The following FZD3 variants were observed in gnomAD, a reference collection of about 807,000 sequenced individuals.
The protein encoded by FZD3 is frizzled-3.
Under a neutral mutation model 60.7 loss-of-function variants are expected in FZD3, and 30 were observed. That is an observed-to-expected ratio of 0.49 (90% CI 0.37 to 0.67). FZD3 has a LOEUF of 0.67. Ranked by LOEUF, FZD3 falls within the 30% of genes least tolerant of loss-of-function variation. The pLI, the probability that FZD3 is intolerant of heterozygous loss-of-function variation, is 0.00. For missense variants in FZD3, 605 were observed against 838.7 expected (o/e 0.72, Z 3.44); for synonymous variants, 246 against 275.2 (o/e 0.89, Z 1.05).
chr8:28,513,148 G>A (rs749199469), intron 3 of FZD3, among the ~76,000 whole-genome samples: 21 of 151,858 alleles, frequency 1.4e-4, no homozygotes, highest in Non-Finnish European at 2.9e-4. Context: ...TCAGACTTTA[G>A]GACAAAAAAA....
chr8:28,514,344 A>G (rs748861235), intron 3 of FZD3, among the ~76,000 whole-genome samples: 3 of 152,050 alleles, frequency 2.0e-5, no homozygotes, highest in Non-Finnish European at 4.4e-5. Flanking sequence ...CAATTTGCTT[A>G]TTTGAAAAAT....
Position 28,555,985 on chromosome 8 carries a change from GT to G in FZD3, c.1787+15del, listed in dbSNP as rs2130465478. The stretch of plus-strand genomic sequence containing the variant: ...ACGTGATGGCAGGTGAGTTTTGTTA[GT>G]AGTGTAGTTTATTTCATAAGCTGAA... On this transcript the variant is annotated intron_variant, in intron 7 of 7. Coordinates refer to ENST00000240093, the MANE Select transcript of FZD3 (RefSeq NM_017412.4). The G allele has an allele frequency of 6.6e-7, 1 of 1,508,802 alleles. No homozygotes were observed. The highest frequency in any genetic ancestry group is 9.2e-7 in the Non-Finnish European group (1 of 1,086,368). 93.5% of individuals were successfully genotyped at this position (1,508,802 alleles called of 1,614,324 possible).
rs1041477666 is a variant in FZD3, at chr8:28,569,255, A to G, written c.*6244A>G. The G allele has an allele frequency of 6.7e-6, 1 of 150,320 alleles. No individual in the cohort carries two copies. The highest frequency in any genetic ancestry group is 2.4e-5 in the African/African-American group (1 of 40,938). The allele number at this position is 150,320 out of a possible 1,614,324, so 9.3% of individuals were successfully genotyped here. A position where few individuals can be genotyped will look rare whatever the true frequency, so the allele number is the denominator to read the frequency against. Reference sequence around the variant, plus strand: ...AGTCTAAAATTAAACAAAAAAATCTATTTTCTAAATTGGCAGGATTTTTTT... The same window carrying G: ...AGTCTAAAATTAAACAAAAAAATCTGTTTTCTAAATTGGCAGGATTTTTTT... On this transcript the variant is annotated 3_prime_UTR_variant, in exon 8 of 8. Coordinates refer to ENST00000240093, the MANE Select transcript of FZD3 (RefSeq NM_017412.4).
chr8:28,511,433 C>G (rs528598272), intron 3 of FZD3, among the ~76,000 whole-genome samples: 1 of 152,100 alleles, frequency 6.6e-6, no homozygotes, highest in African/African-American at 2.4e-5. Flanking sequence ...TGCAGTGAGC[C>G]GTGATTGCGC....
At chr8:28,515,507 C>T (rs755756650) in intron 3 of FZD3, among the ~76,000 whole-genome samples, 33 of 152,218 alleles carry the variant, frequency 2.2e-4, no homozygotes, top group Non-Finnish European at 3.7e-4. Flanking sequence ...CCTGAGTCTT[C>T]CCCTGGGGTG....
chr8:28,556,871 G>C (rs1220900697), intron 7 of FZD3, among the ~76,000 whole-genome samples: 1 of 152,190 alleles, frequency 6.6e-6, no homozygotes, highest in East Asian at 1.9e-4. Context: ...TGGTTTCACA[G>C]AGAAAATGTT....
intron 5 of FZD3, among the ~76,000 whole-genome samples, chr8:28,529,008 A>G (rs1316750138): frequency 6.6e-6 from 1 of 152,102 alleles, no homozygotes; most frequent in Non-Finnish European, 1.5e-5. Flanking sequence ...TCAAACTCCA[A>G]GAGCTCAAGC....
At chr8:28,507,022 A>C (rs947411880) in intron 3 of FZD3, among the ~76,000 whole-genome samples, 24 of 152,216 alleles carry the variant, frequency 1.6e-4, no homozygotes, top group African/African-American at 5.1e-4. Flanking sequence ...TCAAAATTTC[A>C]TCCATAAATA....
At chr8:28,517,370 T>C (rs554000587) in intron 3 of FZD3, among the ~76,000 whole-genome samples, 2 of 152,328 alleles carry the variant, frequency 1.3e-5, no homozygotes, top group East Asian at 3.9e-4. Context: ...TATTTTTCTT[T>C]GGTTTTCAAC....
In FZD3 at chr8:28,527,182, T is replaced by C; in HGVS notation, c.422T>C (p.Val141Ala). 1 of 1,613,256 alleles carries C rather than the reference T, an allele frequency of 6.2e-7. No homozygotes were observed. Among genetic ancestry groups the C allele is most frequent in the Non-Finnish European group, 8.5e-7 (1 of 1,179,686 alleles). Reference sequence around the variant, plus strand: ...TGTGATGAGCCATATCCTCGACTTGTGGATCTGAATTTAGCTGGAGAACCA... The same window carrying C: ...TGTGATGAGCCATATCCTCGACTTGCGGATCTGAATTTAGCTGGAGAACCA... ...PDCDEPYPRLVDLNLAGEPTE... is the reference protein window; with the variant it reads ...PDCDEPYPRLADLNLAGEPTE... Residue 141 changes from valine (V) to alanine (A), a missense_variant, in exon 5 of 8, where the codon GTG becomes GCG. Physicochemically the swap from Val to Ala is moderately conservative, Grantham distance 64 (BLOSUM62 0). Transcript: ENST00000240093. The surrounding 1 kb of genome is among the most constrained non-coding windows in gnomAD (Gnocchi z 5.0).
chr8:28,563,251 G>T lies in FZD3; in HGVS notation c.*240G>T, dbSNP rs966761014. The T allele has an allele frequency of 1.8e-5, 8 of 452,902 alleles. No homozygotes were observed. The Admixed American group carries it at 2.8e-4, about 16-fold the overall frequency. The allele number at this position is 452,902 out of a possible 1,614,324, so 28.1% of individuals were successfully genotyped here. ...AATTCGTCTTTCTAGGTTATGAAGA[G>T]ATAATTATTTGTCTGGTAAGCATTT... On this transcript the variant is annotated 3_prime_UTR_variant, in exon 8 of 8. Coordinates refer to ENST00000240093, the MANE Select transcript of FZD3 (RefSeq NM_017412.4).
At chr8:28,548,205 C>T (rs542640086) in intron 5 of FZD3, among the ~76,000 whole-genome samples, 1 of 130,976 alleles carries the variant, frequency 7.6e-6, no homozygotes, top group Non-Finnish European at 1.6e-5. Context: ...TAGAAAGTCA[C>T]TCTCCATCTC....
intron 3 of FZD3, among the ~76,000 whole-genome samples, chr8:28,516,279 C>A (rs1011997115): frequency 6.6e-6 from 1 of 152,148 alleles, no homozygotes; most frequent in Non-Finnish European, 1.5e-5. Context: ...TTATCTAGTA[C>A]ACACTTTTGA....
intron 5 of FZD3, among the ~76,000 whole-genome samples, chr8:28,529,285 T>C (rs1379283339): frequency 6.6e-6 from 1 of 152,156 alleles, no homozygotes; most frequent in African/African-American, 2.4e-5. Context: ...CTGTTCATCA[T>C]TTTCCAGATT....
At chr8:28,537,739 G>A (rs1006409593) in intron 5 of FZD3, among the ~76,000 whole-genome samples, 20 of 152,142 alleles carry the variant, frequency 1.3e-4, no homozygotes, top group African/African-American at 4.8e-4. Context: ...ACATTTTTCT[G>A]TCCCATATAA....
At chr8:28,557,155 G>A (rs1279611804) in intron 7 of FZD3, among the ~76,000 whole-genome samples, 1 of 149,634 alleles carries the variant, frequency 6.7e-6, no homozygotes, top group African/African-American at 2.5e-5. Flanking sequence ...GTTGGAGTGA[G>A]CTGACATCGT....
chr8:28,507,426 A>G (rs1057339868), intron 3 of FZD3, among the ~76,000 whole-genome samples: 2 of 152,216 alleles, frequency 1.3e-5, no homozygotes, highest in Non-Finnish European at 2.9e-5. Flanking sequence ...TTTGGAAGGA[A>G]TACTTCATAG....
intron 5 of FZD3, among the ~76,000 whole-genome samples, chr8:28,550,419 T>C (rs1293190725): frequency 7.0e-6 from 1 of 143,530 alleles, no homozygotes; most frequent in Non-Finnish European, 1.5e-5. Context: ...TAACCAACTT[T>C]GGGTTATTAG....
intron 3 of FZD3, among the ~76,000 whole-genome samples, chr8:28,511,008 G>C (rs909826806): frequency 6.6e-6 from 1 of 151,876 alleles, no homozygotes; most frequent in African/African-American, 2.4e-5. Flanking sequence ...CTGCACTCCA[G>C]CCTGGGCAAC....
Sources: allele counts gnomAD v4.1 joint callset (sites outside exome capture counted in the v4.1 genomes callset), GRCh38; gene constraint gnomAD v4.1.1; non-coding constraint Gnocchi (gnomAD v3.1); transcripts MANE v1.5; gene names NCBI Gene and HGNC (gene_info 2026-07-23, HGNC 2026-07-21).